Variants in SLC25A29 observed in about 807,000 individuals in gnomAD.
SLC25A29 encodes the protein mitochondrial basic amino acids transporter.
SLC25A29 carries 13 observed loss-of-function variants against 10.0 expected under a neutral mutation model. The ratio of observed to expected loss-of-function variants is 1.30; its 90% CI spans 0.85 to 2.07. The LOEUF is 2.07. Ranked by LOEUF, SLC25A29 falls within the 30% of genes most tolerant of loss-of-function variation. The pLI is 0.00. For synonymous variants in SLC25A29, 244 were observed against 221.1 expected, an observed-to-expected ratio of 1.10 and a Z score of -0.92; for missense variants, 475 against 447.6, an observed-to-expected ratio of 1.06 and a Z score of -0.55.
At chr14:100,296,134 G>T in intron 2 of SLC25A29, 2 of 865,488 alleles carry the variant, frequency 2.3e-6, no homozygotes, top group Non-Finnish European at 3.1e-6. Context: ...AGGGACCCGT[G>T]GTGTTGGAAG....
chr14:100,288,567 G>A (rs1891591849), downstream of SLC25A29, among the ~76,000 whole-genome samples: 1 of 151,484 alleles, frequency 6.6e-6, no homozygotes, highest in Admixed American at 6.6e-5. Context: ...CTGTCCTCCA[G>A]GCCCTGCCTC....
intron 1 of SLC25A29, chr14:100,299,226 C>T: frequency 8.7e-7 from 1 of 1,151,804 alleles, no homozygotes; most frequent in South Asian, 2.4e-5. Context: ...TCTGGGATAT[C>T]CCATTAATCC....
At chr14:100,299,184 A>C in intron 1 of SLC25A29, 1 of 1,296,664 alleles carries the variant, frequency 7.7e-7, no homozygotes, top group East Asian at 3.6e-5. Flanking sequence ...CTGACAGCAG[A>C]AGTTGTCCCC....
rs1892961391 is a variant in SLC25A29, at chr14:100,306,426, C to T, written c.-194G>A. The stretch of plus-strand genomic sequence containing the variant: ...AGCAGCTAGACCCGCGCTGGTCCCT[C>T]GGCGGCAGCTGACTCGCTGGATCCC... On this transcript the variant is annotated 5_prime_UTR_variant, in exon 1 of 4. Transcript: ENST00000359232. The T allele has an allele frequency of 7.4e-6, 3 of 405,840 alleles. No individual in the cohort carries two copies. The highest frequency in any genetic ancestry group is 1.3e-4 in the South Asian group (1 of 7,802). The allele number at this position is 405,840 out of a possible 1,614,324, so 25.1% of individuals were successfully genotyped here.
the SLC25A29 span, chr14:100,282,443 T>G: frequency 2.6e-5 from 4 of 152,076 alleles, no homozygotes; most frequent in Non-Finnish European, 5.9e-5. Flanking sequence ...AACAACCTCT[T>G]TTTTCTACAT....
intron 1 of SLC25A29, among the ~76,000 whole-genome samples, chr14:100,300,473 C>T (rs1034093774): frequency 2.6e-5 from 4 of 152,172 alleles, no homozygotes; most frequent in Non-Finnish European, 5.9e-5. Flanking sequence ...ACCTCCACCT[C>T]CTGGGCTCAA....
Position 100,292,860 on chromosome 14 carries a change from G to A in SLC25A29, c.335C>T (p.Pro112Leu). The A allele has an allele frequency of 6.2e-7, 1 of 1,600,134 alleles. No individual in the cohort carries two copies. The highest frequency in any genetic ancestry group is 8.5e-7 in the Non-Finnish European group (1 of 1,175,246). ...CAGCCGCGTCTTGGCCAGCTCCATGGGGCAGCAGATGACGCACTGGATGGC... is the reference window on the plus strand; with the variant it reads ...CAGCCGCGTCTTGGCCAGCTCCATGAGGCAGCAGATGACGCACTGGATGGC... Reference protein sequence around the residue: ...AGAIQCVICCPMELAKTRLQL... With the variant: ...AGAIQCVICCLMELAKTRLQL... Residue 112 changes from proline to leucine, a missense_variant, in exon 4 of 4, where the codon CCC (proline) becomes CTC (leucine). Physicochemically the swap from Pro to Leu is moderately conservative, Grantham distance 98 (BLOSUM62 -3). Coordinates refer to ENST00000359232, the MANE Select transcript of SLC25A29 (RefSeq NM_001039355.3).
downstream of SLC25A29, among the ~76,000 whole-genome samples, chr14:100,287,642 A>G (rs1595343010): frequency 2.0e-5 from 1 of 50,420 alleles, no homozygotes; most frequent in Non-Finnish European, 3.9e-5. Context: ...CCCCCCTCCG[A>G]ATTCCTGGCC....
chr14:100,284,676 T>C, the SLC25A29 span, among the ~76,000 whole-genome samples: 5 of 152,194 alleles, frequency 3.3e-5, no homozygotes, highest in Non-Finnish European at 5.9e-5. Context: ...GGCCCTGTTT[T>C]AGGCAGGAAT....
chr14:100,292,223 G>A lies in SLC25A29; in HGVS notation c.*60C>T. 6.6e-7 allele frequency: 1 copy of A among 1,522,386 alleles called. No individual in the cohort carries two copies. Among genetic ancestry groups the A allele is most frequent in the East Asian group, 2.5e-5 (1 of 39,580 alleles). The allele number at this position is 1,522,386 out of a possible 1,614,324, so 94.3% of individuals were successfully genotyped here. A position where few individuals can be genotyped will look rare whatever the true frequency, so the allele number is the denominator to read the frequency against. ...CAGGAAGCAGGGCAATCGACTCAGG[G>A]GCCAATTTATGTCCCAGGTTTCTGA... On this transcript the variant is annotated 3_prime_UTR_variant, in exon 4 of 4. Transcript: ENST00000359232.
chr14:100,302,505 G>A (rs1892631664), intron 1 of SLC25A29, among the ~76,000 whole-genome samples: 1 of 151,392 alleles, frequency 6.6e-6, no homozygotes. Flanking sequence ...GACTACAGGT[G>A]CGTGCCACCA....
downstream of SLC25A29, among the ~76,000 whole-genome samples, chr14:100,289,036 G>C (rs1458249352): frequency 6.6e-6 from 1 of 152,198 alleles, no homozygotes; most frequent in East Asian, 1.9e-4. Flanking sequence ...AGGAGAAGGC[G>C]GCAAGAGATG....
At position 100,292,627 on chromosome 14, in the gene SLC25A29, G is replaced by A. The variant is rs1891809420; in HGVS notation, c.568C>T (p.Pro190Ser). 5.6e-6 allele frequency: 9 copies of A among 1,602,558 alleles called. No individual in the cohort carries two copies. Among genetic ancestry groups the A allele is most frequent in the Non-Finnish European group, 7.7e-6 (9 of 1,175,696 alleles). The change falls in exon 4 of 4, where the codon CCC (proline) becomes TCC (serine). Residue 190 changes from proline to serine, a missense_variant. Pro to Ser is a moderately conservative substitution (Grantham distance 74). Coordinates refer to ENST00000359232, the MANE Select transcript of SLC25A29 (RefSeq NM_001039355.3). ...GCEPGDRLLV[P>S]KLLLAGGTSG... ...GTACCGCCCGCCAACAGCAGCTTGG[G>A]CACCAGCAGGCGGTCGCCCGGCTCG...
At chr14:100,286,227 T>G (rs927978364), downstream of SLC25A29, among the ~76,000 whole-genome samples, 5 of 152,120 alleles carry the variant, frequency 3.3e-5, no homozygotes, top group African/African-American at 1.2e-4. Flanking sequence ...TCATTCAGCA[T>G]GCTGACTTTG....
the SLC25A29 span, among the ~76,000 whole-genome samples, chr14:100,284,083 C>T: frequency 6.6e-6 from 1 of 152,000 alleles, no homozygotes; most frequent in Non-Finnish European, 1.5e-5. Flanking sequence ...CCAGTGGCCT[C>T]CTCCAAACCA....
At chr14:100,289,335 A>G (rs1395634425), downstream of SLC25A29, among the ~76,000 whole-genome samples, 2 of 152,154 alleles carry the variant, frequency 1.3e-5, no homozygotes, top group Non-Finnish European at 2.9e-5. Flanking sequence ...CCTCGGCCAC[A>G]CTTTGTAGGG....
chr14:100,278,724 C>T, the SLC25A29 span: 3 of 152,272 alleles, frequency 2.0e-5, no homozygotes, highest in Non-Finnish European at 4.4e-5. Context: ...ACACCCCAGG[C>T]CAGGTTGGTC....
At chr14:100,295,972 G>T in intron 2 of SLC25A29, 8 of 1,289,746 alleles carry the variant, frequency 6.2e-6, no homozygotes, top group Non-Finnish European at 8.1e-6. Flanking sequence ...TCCAGATCTT[G>T]GATTCTTTCA....
chr14:100,299,404 A>C, intron 1 of SLC25A29: 1 of 997,042 alleles, frequency 1.0e-6, no homozygotes, highest in Non-Finnish European at 1.2e-6. Context: ...TCCCTCCCCC[A>C]GAGTGGCCAC....
Sources: allele counts gnomAD v4.1 joint callset (sites outside exome capture counted in the v4.1 genomes callset), GRCh38; gene constraint gnomAD v4.1.1; transcripts MANE v1.5; gene names NCBI Gene and HGNC (gene_info 2026-07-23, HGNC 2026-07-21).